HDLBP: variants seen among roughly 807,000 people sequenced by gnomAD.
HDLBP encodes high density lipoprotein binding protein.
In HDLBP, 30 loss-of-function variants were observed where a neutral mutation model predicts 137.3. The ratio of observed to expected loss-of-function variants is 0.22; its 90% CI spans 0.16 to 0.30. The LOEUF is 0.30. Among genes scored for constraint, HDLBP ranks in the 10% least tolerant of loss-of-function variants. The pLI, the probability that HDLBP is intolerant of heterozygous loss-of-function variation, is 1.00. For synonymous variants in HDLBP, 606 were observed against 596.0 expected (o/e 1.02, Z -0.24); for missense variants, 1,119 against 1,667.3 (o/e 0.67, Z 5.73).
At chr2:241,260,871 G>C (rs906696729) in intron 5 of HDLBP, among the ~76,000 whole-genome samples, 1 of 152,052 alleles carries the variant, frequency 6.6e-6, no homozygotes, top group Non-Finnish European at 1.5e-5. Flanking sequence ...AAAACCTACG[G>C]TCCCCACTAA....
In HDLBP at chr2:241,230,781, C is replaced by T. The variant is rs746115994; in HGVS notation, c.3452G>A (p.Arg1151His). ...RIIGARGKAI[R>H]KIMDEFKVDI... ...CACCTTGAATTCGTCCATGATTTTG[C>T]GAATGGCTTTGCCGCGGGCACCAAT... The change falls in exon 25 of 28, where the codon CGC (arginine) becomes CAC (histidine). Residue 1151 changes from arginine to histidine, a missense_variant. Physicochemically the swap from Arg to His is conservative, Grantham distance 29. This residue lies in a region of HDLBP where 618 missense variants were observed against 816.7 expected (regional missense o/e 0.76). Transcript: ENST00000310931. The surrounding 1 kb of genome is among the most constrained non-coding windows in gnomAD (Gnocchi z 5.0). 13 of 1,614,040 alleles carry T rather than the reference C, an allele frequency of 8.1e-6. No homozygotes were observed. Among genetic ancestry groups the T allele is most frequent in the Non-Finnish European group, 1.0e-5 (12 of 1,179,984 alleles).
chr2:241,253,143 A>C, intron 10 of HDLBP, 108 bp from the exon 11 acceptor site: 2 of 775,152 alleles, frequency 2.6e-6, no homozygotes, highest in Non-Finnish European at 2.2e-6. Context: ...CTCAGCTGTC[A>C]GGAATTGTTG....
chr2:241,287,993 T>C (rs1411443785), intron 1 of HDLBP, among the ~76,000 whole-genome samples: 1 of 152,146 alleles, frequency 6.6e-6, no homozygotes, highest in Non-Finnish European at 1.5e-5. Flanking sequence ...ACCCCCAAAG[T>C]GTGTTTTAAT....
intron 9 of HDLBP, among the ~76,000 whole-genome samples, chr2:241,254,481 A>G (rs1358750877): frequency 7.9e-5 from 12 of 151,592 alleles, no homozygotes; most frequent in Admixed American, 5.3e-4. Context: ...TCTGCTCTTC[A>G]AAGTATTTTT....
intron 14 of HDLBP, chr2:241,247,515 G>A (rs931648255): frequency 2.5e-5 from 7 of 283,780 alleles, no homozygotes; most frequent in East Asian, 1.6e-4. Context: ...CTTCACCATC[G>A]CCTCTCCCAG....
At chr2:241,278,595 A>C (rs993275333) in intron 1 of HDLBP, among the ~76,000 whole-genome samples, 1 of 152,114 alleles carries the variant, frequency 6.6e-6, no homozygotes, top group Non-Finnish European at 1.5e-5. Flanking sequence ...AAAAAAAAAA[A>C]ATTCAAATGA....
rs2072651268 is a variant in HDLBP at position 241,256,811 on chromosome 2, A to G, written c.451-5T>C. ...AATGGCAACAGTTGCTGAGGCCTAT[A>G]GCAAGAAGAGAATAAAAGAAAACAA... On this transcript the variant is annotated splice_region_variant and splice_polypyrimidine_tract_variant and intron_variant, in intron 5 of 27. Coordinates refer to ENST00000310931, the MANE Select transcript of HDLBP (RefSeq NM_005336.6). 6.2e-7 allele frequency: 1 copy of G among 1,609,946 alleles called. No individual in the cohort carries two copies. Among genetic ancestry groups the G allele is most frequent in the African/African-American group, 1.3e-5 (1 of 74,778 alleles).
At chr2:241,286,306 A>G (rs1389827158) in intron 1 of HDLBP, among the ~76,000 whole-genome samples, 2 of 152,202 alleles carry the variant, frequency 1.3e-5, no homozygotes, top group Non-Finnish European at 2.9e-5. Flanking sequence ...GGGCCCCCAA[A>G]TCACTAAGTT....
chr2:241,275,807 A>C (rs1464670375), intron 1 of HDLBP, among the ~76,000 whole-genome samples: 1 of 152,218 alleles, frequency 6.6e-6, no homozygotes, highest in Non-Finnish European at 1.5e-5. Flanking sequence ...AATAACTGTC[A>C]ATTTGGATTT....
intron 10 of HDLBP, 153 bp downstream of exon 10, chr2:241,253,240 T>C (rs1239016356): frequency 1.0e-5 from 7 of 700,686 alleles, no homozygotes; most frequent in Non-Finnish European, 1.8e-5. Context: ...TTCGACCAGC[T>C]TCTGGTTGTT....
At chr2:241,235,636 G>T in intron 21 of HDLBP, 42 bp from the exon 22 acceptor site, 1 of 1,402,406 alleles carries the variant, frequency 7.1e-7, no homozygotes, top group Non-Finnish European at 1.0e-6. Flanking sequence ...GGAGCTGAGA[G>T]CAGAGTGACG....
chr2:241,277,545 G>A (rs1341471264), intron 1 of HDLBP, among the ~76,000 whole-genome samples: 1 of 152,178 alleles, frequency 6.6e-6, no homozygotes, highest in Non-Finnish European at 1.5e-5. Context: ...ATTGAGAAGA[G>A]TAGTGTCAAA....
intron 1 of HDLBP, among the ~76,000 whole-genome samples, chr2:241,302,938 AAG>A (rs1410428682): frequency 5.9e-5 from 9 of 152,200 alleles, no homozygotes; most frequent in African/African-American, 2.2e-4. Flanking sequence ...GGCCCGAGGT[AAG>A]AGAGTCTTTG....
rs2069972076 is a variant in HDLBP, at chr2:241,233,077, T to C, written c.3288+743A>G. Among the ~76,000 whole-genome samples the C allele has an allele frequency of 6.6e-6, 1 of 151,828 alleles. No homozygotes were observed. The highest frequency in any genetic ancestry group is 1.9e-4 in the East Asian group (1 of 5,140). ...GTGGAGGGGCTCTGCTGCCAGGGGG[T>C]TTGCTGTTTCTGGAAACCAGCACAA... On this transcript the variant is annotated intron_variant, in intron 24 of 27. Coordinates refer to ENST00000310931, the MANE Select transcript of HDLBP (RefSeq NM_005336.6). This position sits in a 1 kb window ranked among gnomAD's most constrained non-coding sequence, Gnocchi z 4.3.
At chr2:241,273,322 CA>C (rs2074254199) in intron 1 of HDLBP, 1 of 815,390 alleles carries the variant, frequency 1.2e-6, no homozygotes, top group Non-Finnish European at 1.5e-6. Context: ...AAACTATCCC[CA>C]CCCGATTCCT....
chr2:241,276,520 CTAAA>C (rs1418343019), intron 1 of HDLBP, among the ~76,000 whole-genome samples: 1 of 152,094 alleles, frequency 6.6e-6, no homozygotes, highest in Non-Finnish European at 1.5e-5. Flanking sequence ...CATCAGTAAT[CTAAA>C]TACGTGTTAA....
intron 1 of HDLBP, among the ~76,000 whole-genome samples, chr2:241,287,419 T>TC (rs1164170094): frequency 7.1e-6 from 1 of 140,488 alleles, no homozygotes; most frequent in Non-Finnish European, 1.5e-5. Context: ...TTTCTTTCTT[T>TC]CTTTTTTTTT....
intron 1 of HDLBP, among the ~76,000 whole-genome samples, chr2:241,309,316 T>C (rs1425182818): frequency 2.0e-5 from 3 of 152,334 alleles, no homozygotes; most frequent in African/African-American, 4.8e-5. Context: ...TTTTCCTTAC[T>C]GTGTCCCACT....
intron 1 of HDLBP, among the ~76,000 whole-genome samples, chr2:241,283,107 G>A (rs981575920): frequency 4.6e-5 from 7 of 152,186 alleles, no homozygotes; most frequent in African/African-American, 1.7e-4. Flanking sequence ...CAGCCTTATC[G>A]CTGATAAGGA....
Sources: allele counts gnomAD v4.1 joint callset (sites outside exome capture counted in the v4.1 genomes callset), GRCh38; gene constraint gnomAD v4.1.1; regional missense constraint gnomAD v4.1.1; non-coding constraint Gnocchi (gnomAD v3.1); transcripts MANE v1.5; gene names NCBI Gene and HGNC (gene_info 2026-07-23, HGNC 2026-07-21).